RANBP2: variants seen among roughly 807,000 people sequenced by gnomAD.
The protein encoded by RANBP2 is RAN binding protein 2, also known as E3 SUMO-protein ligase RanBP2.
In RANBP2, 57 loss-of-function variants were observed where a neutral mutation model predicts 303.6. That is an observed-to-expected ratio of 0.19 (90% CI 0.15 to 0.23). The LOEUF (loss-of-function observed/expected upper bound fraction) is 0.23. Among genes scored for constraint, RANBP2 ranks in the 10% least tolerant of loss-of-function variants. The pLI, the probability that RANBP2 is intolerant of heterozygous loss-of-function variation, is 1.00. For missense variants in RANBP2, 3,138 were observed against 3,780.8 expected (o/e 0.83, Z 4.46); for synonymous variants, 1,167 against 1,301.5 (o/e 0.90, Z 2.23).
chr2:109,616,191 G>A, the RANBP2 span: 2 of 1,364,820 alleles, frequency 1.5e-6, no homozygotes, highest in Admixed American at 7.1e-5. Flanking sequence ...GGATCGGAAT[G>A]GATGGGGCGG....
chr2:109,744,700 G>A, the RANBP2 span, among the ~76,000 whole-genome samples: 2 of 73,982 alleles, frequency 2.7e-5, 1 homozygote, highest in African/African-American at 6.7e-5. Context: ...CCAGGGAACT[G>A]GAAATTAAAA....
chr2:108,862,455 T>A, the RANBP2 span, among the ~76,000 whole-genome samples: 606 of 152,272 alleles, frequency 4.0e-3, 1 homozygote, highest in Non-Finnish European at 7.0e-3. Flanking sequence ...GATTTTGGAT[T>A]TTCAGATTAG....
the RANBP2 span, among the ~76,000 whole-genome samples, chr2:109,189,646 TG>T: frequency 3.9e-5 from 6 of 152,292 alleles, no homozygotes; most frequent in Admixed American, 3.9e-4. Context: ...CCATATTCTC[TG>T]TTTTAAAAAT....
chr2:109,136,909 G>A, the RANBP2 span, among the ~76,000 whole-genome samples: 1 of 152,160 alleles, frequency 6.6e-6, no homozygotes. Flanking sequence ...GAATCAGGGA[G>A]TTCGCAGGGA....
At chr2:108,835,144 A>G in the RANBP2 span, among the ~76,000 whole-genome samples, 1 of 152,360 alleles carries the variant, frequency 6.6e-6, no homozygotes, top group Admixed American at 6.5e-5. Context: ...CAACAAAGGA[A>G]GTTTATGCAG....
At chr2:109,487,143 A>T in the RANBP2 span, among the ~76,000 whole-genome samples, 2 of 152,102 alleles carry the variant, frequency 1.3e-5, no homozygotes, top group African/African-American at 4.8e-5. Flanking sequence ...TTGCTTGCTT[A>T]CTCCCAGTCC....
chr2:109,461,983 C>T, the RANBP2 span, among the ~76,000 whole-genome samples: 1 of 152,088 alleles, frequency 6.6e-6, no homozygotes, highest in Non-Finnish European at 1.5e-5. Context: ...CACTTTTTCT[C>T]CACCTTACGA....
chr2:108,889,572 GT>G, the RANBP2 span, among the ~76,000 whole-genome samples: 2 of 140,278 alleles, frequency 1.4e-5, no homozygotes, highest in Admixed American at 6.8e-5. Context: ...TTTTTTCACT[GT>G]TTTTGACTTA....
the RANBP2 span, among the ~76,000 whole-genome samples, chr2:109,443,746 A>G: frequency 6.6e-6 from 1 of 152,234 alleles, no homozygotes; most frequent in Non-Finnish European, 1.5e-5. Flanking sequence ...TTCAAAATAC[A>G]TAAGCAATAT....
At chr2:109,302,188 G>C in the RANBP2 span, among the ~76,000 whole-genome samples, 1 of 152,318 alleles carries the variant, frequency 6.6e-6, no homozygotes, top group East Asian at 1.9e-4. Context: ...TACTCCTACA[G>C]CCAGTGCTGG....
chr2:109,669,500 G>T, the RANBP2 span, among the ~76,000 whole-genome samples: 1 of 152,132 alleles, frequency 6.6e-6, no homozygotes, highest in African/African-American at 2.4e-5. Context: ...AAACCAAAAA[G>T]AATCTGATTT....
At chr2:108,942,362 A>T in the RANBP2 span, among the ~76,000 whole-genome samples, 2 of 152,224 alleles carry the variant, frequency 1.3e-5, no homozygotes, top group African/African-American at 4.8e-5. Flanking sequence ...TCTGGGAGCC[A>T]AGAGAAAGGC....
chr2:109,196,990 G>C, the RANBP2 span, among the ~76,000 whole-genome samples: 2 of 152,198 alleles, frequency 1.3e-5, no homozygotes, highest in African/African-American at 4.8e-5. Context: ...TGCTTAGTTT[G>C]ATTTCCCTTA....
the RANBP2 span, among the ~76,000 whole-genome samples, chr2:108,979,422 GTC>G: frequency 0.23 from 9,338 of 41,500 alleles, 771 homozygotes; most frequent in African/African-American, 0.37. Flanking sequence ...TTTGGTTGCT[GTC>G]TCTCTCTCTC....
At chr2:108,912,683 TGGGC>T in the RANBP2 span, 1 of 1,591,992 alleles carries the variant, frequency 6.3e-7, no homozygotes, top group African/African-American at 1.3e-5. Context: ...CTCACCTTTG[TGGGC>T]GTGCTGGAAG....
the RANBP2 span, among the ~76,000 whole-genome samples, chr2:109,052,746 C>A: frequency 6.6e-6 from 1 of 152,130 alleles, no homozygotes; most frequent in Non-Finnish European, 1.5e-5. Flanking sequence ...GTGATCCTCC[C>A]GCCTTGGCCT....
At chr2:109,468,759 C>G in the RANBP2 span, among the ~76,000 whole-genome samples, 18 of 147,260 alleles carry the variant, frequency 1.2e-4, no homozygotes, top group Non-Finnish European at 2.2e-4. Context: ...GAGGCTGAGG[C>G]AGGTTAATCG....
chr2:109,023,777 C>T, the RANBP2 span, among the ~76,000 whole-genome samples: 2 of 152,144 alleles, frequency 1.3e-5, no homozygotes, highest in African/African-American at 4.8e-5. Flanking sequence ...CTATCGCTCT[C>T]CAGCTTGGGC....
At chr2:109,539,288 ACT>A in the RANBP2 span, among the ~76,000 whole-genome samples, 1 of 151,776 alleles carries the variant, frequency 6.6e-6, no homozygotes, top group South Asian at 2.1e-4. Context: ...ACAGAGCAAG[ACT>A]CTGTCTCAAA....
Sources: allele counts gnomAD v4.1 joint callset (sites outside exome capture counted in the v4.1 genomes callset), GRCh38; gene constraint gnomAD v4.1.1; transcripts MANE v1.5; gene names NCBI Gene and HGNC (gene_info 2026-07-23, HGNC 2026-07-21).